Variants in CSMD3 observed in about 807,000 individuals in gnomAD.
CSMD3 encodes the protein CUB and sushi domain-containing protein 3.
In CSMD3, 177 loss-of-function variants were observed where a neutral mutation model predicts 435.2. The observed-to-expected ratio is 0.41, with a 90% CI of 0.36 to 0.46. The LOEUF (loss-of-function observed/expected upper bound fraction) is 0.46. Among genes scored for constraint, CSMD3 ranks in the 20% least tolerant of loss-of-function variants. The pLI is 0.34. For missense variants in CSMD3, 4,265 were observed against 4,504.6 expected (o/e 0.95, Z 1.52); for synonymous variants, 1,656 against 1,520.5 (o/e 1.09, Z -2.07).
At chr8:113,160,741 G>A (rs2092023630) in intron 4 of CSMD3, among the ~76,000 whole-genome samples, 1 of 151,940 alleles carries the variant, frequency 6.6e-6, no homozygotes, top group Non-Finnish European at 1.5e-5. Context: ...GTTCCCTTTG[G>A]GGATTATTTG....
chr8:112,442,519 C>T (rs533561516), intron 32 of CSMD3, among the ~76,000 whole-genome samples: 13 of 152,226 alleles, frequency 8.5e-5, no homozygotes, highest in Non-Finnish European at 1.5e-4. Context: ...TGATTTTTAC[C>T]TCTGTATCAC....
At chr8:112,457,572 C>G (rs1176756232) in intron 32 of CSMD3, among the ~76,000 whole-genome samples, 1 of 152,026 alleles carries the variant, frequency 6.6e-6, no homozygotes, top group African/African-American at 2.4e-5. Flanking sequence ...AATGTAATTT[C>G]TCATCTTATC....
At chr8:112,303,569 CA>C (rs1821127205) in intron 52 of CSMD3, among the ~76,000 whole-genome samples, 2 of 151,578 alleles carry the variant, frequency 1.3e-5, no homozygotes, top group Admixed American at 6.6e-5. Context: ...AACAAACAAA[CA>C]AACAAACAAA....
chr8:112,402,997 C>A (rs1831468555), intron 35 of CSMD3, among the ~76,000 whole-genome samples: 1 of 152,058 alleles, frequency 6.6e-6, no homozygotes, highest in Admixed American at 6.6e-5. Flanking sequence ...TATGAGAGTG[C>A]AAGTACCTAA....
chr8:112,245,117 T>C (rs1459751726), intron 64 of CSMD3, among the ~76,000 whole-genome samples: 3 of 152,160 alleles, frequency 2.0e-5, no homozygotes, highest in Non-Finnish European at 2.9e-5. Flanking sequence ...AAGTACATTT[T>C]AATAATTTTT....
chr8:112,713,736 C>T (rs2076662517), intron 13 of CSMD3, among the ~76,000 whole-genome samples: 1 of 152,148 alleles, frequency 6.6e-6, no homozygotes, highest in Non-Finnish European at 1.5e-5. Context: ...CAGCAGAAAC[C>T]CTGCAAGCCA....
In CSMD3 at chr8:113,098,863, G is replaced by T. The variant is rs2131546946; in HGVS notation, c.810C>A (p.Thr270=). The T allele has an allele frequency of 6.2e-7, 1 of 1,611,458 alleles. No individual in the cohort carries two copies. Residue 270 remains threonine, a synonymous_variant, in exon 5 of 71, where the codon ACC becomes ACA. Transcript: ENST00000297405. ...EYHNNADCTW[T]IVAEPGDTIS... ...TTGTGTCCCCAGGCTCTGCTACAAT[G>T]GTCCAAGTGCAATCAGCATTGTTAT... is the stretch of plus-strand genomic sequence containing the variant.
intron 66 of CSMD3, among the ~76,000 whole-genome samples, chr8:112,239,044 A>G (rs1813860967): frequency 6.6e-6 from 1 of 152,082 alleles, no homozygotes; most frequent in Non-Finnish European, 1.5e-5. Context: ...GGCCAATCCC[A>G]GCAGCTGTAC....
intron 1 of CSMD3, among the ~76,000 whole-genome samples, chr8:113,356,475 A>G (rs900789818): frequency 6.6e-6 from 1 of 152,152 alleles, no homozygotes; most frequent in African/African-American, 2.4e-5. Context: ...CTACCTTTAC[A>G]GGGAAGGCCA....
intron 40 of CSMD3, among the ~76,000 whole-genome samples, chr8:112,348,037 C>T (rs1378570941): frequency 6.6e-6 from 1 of 151,780 alleles, no homozygotes. Context: ...AATACCAAAA[C>T]CAAAAGAGAA....
At chr8:113,250,177 CT>C (rs948898972) in intron 3 of CSMD3, among the ~76,000 whole-genome samples, 3 of 152,002 alleles carry the variant, frequency 2.0e-5, no homozygotes, top group Admixed American at 6.6e-5. Flanking sequence ...TACATCTAAT[CT>C]TTTTTTACAC....
At chr8:112,501,506 T>A (rs1221092163) in intron 30 of CSMD3, among the ~76,000 whole-genome samples, 2 of 152,112 alleles carry the variant, frequency 1.3e-5, no homozygotes, top group African/African-American at 4.8e-5. Flanking sequence ...TATCATTTAA[T>A]ACAATTAGCA....
At chr8:113,390,230 C>T (rs1215805671) in intron 1 of CSMD3, among the ~76,000 whole-genome samples, 2 of 151,712 alleles carry the variant, frequency 1.3e-5, no homozygotes. Flanking sequence ...TATTTCTATC[C>T]TCTGAATCTT....
intron 35 of CSMD3, among the ~76,000 whole-genome samples, chr8:112,403,011 G>T (rs998017298): frequency 2.0e-5 from 3 of 152,242 alleles, no homozygotes; most frequent in African/African-American, 7.2e-5. Flanking sequence ...TACCTAAGGG[G>T]AGGATCTCTC....
chr8:112,340,053 C>A, intron 42 of CSMD3, among the ~76,000 whole-genome samples: 1 of 152,042 alleles, frequency 6.6e-6, no homozygotes. Flanking sequence ...AGTTTTACAT[C>A]ATTCAAATAA....
intron 22 of CSMD3, among the ~76,000 whole-genome samples, chr8:112,611,470 A>C (rs1439198549): frequency 6.6e-6 from 1 of 152,208 alleles, no homozygotes; most frequent in African/African-American, 2.4e-5. Context: ...TTTAGAGACG[A>C]GTAGTCCAAC....
At chr8:112,626,503 T>C (rs1306839877) in intron 22 of CSMD3, among the ~76,000 whole-genome samples, 1 of 152,122 alleles carries the variant, frequency 6.6e-6, no homozygotes, top group Non-Finnish European at 1.5e-5. Context: ...AAATAATCTA[T>C]ATACACACAT....
chr8:112,526,483 T>G (rs1382952421), intron 27 of CSMD3, among the ~76,000 whole-genome samples: 1 of 152,066 alleles, frequency 6.6e-6, no homozygotes, highest in Admixed American at 6.6e-5. Flanking sequence ...TAAAAATATT[T>G]GTATATTTTA....
At chr8:113,415,241 T>G (rs902516039) in intron 1 of CSMD3, among the ~76,000 whole-genome samples, 1 of 152,150 alleles carries the variant, frequency 6.6e-6, no homozygotes, top group Admixed American at 6.6e-5. Flanking sequence ...GACAGTTTAT[T>G]GAACTGGAAA....
Sources: gnomAD v4.1 joint callset for allele counts (sites outside exome capture counted in the v4.1 genomes callset) on GRCh38, gnomAD v4.1.1 for gene constraint, MANE v1.5 for transcripts, NCBI Gene and HGNC (gene_info 2026-07-23, HGNC 2026-07-21) for gene names.